The following CDKL5 variants were observed in gnomAD, a reference collection of about 807,000 sequenced individuals.
The protein encoded by CDKL5 is cyclin dependent kinase like 5, also known as cyclin-dependent kinase-like 5.
CDKL5 carries 8 observed loss-of-function variants against 61.7 expected under a neutral mutation model. The ratio of observed to expected loss-of-function variants is 0.13; its 90% CI spans 0.08 to 0.23. CDKL5 has a LOEUF of 0.23. Among genes scored for constraint, CDKL5 ranks in the 10% least tolerant of loss-of-function variants. The probability of loss-of-function intolerance (pLI) is 1.00; values close to 1 mark genes in which losing one functional copy is unlikely to be tolerated. For synonymous variants in CDKL5, 275 were observed against 272.3 expected (o/e 1.01, Z -0.10); for missense variants, 440 against 734.5 (o/e 0.60, Z 4.63).
In CDKL5 at chrX:18,632,056, C is replaced by T; in HGVS notation, c.*3299C>T. ...TGCACAGGACAGCCCCCCAAACAAA[C>T]AGTGGTCCAGCCCCAAGCACTACTA... On this transcript the variant is annotated 3_prime_UTR_variant, in exon 18 of 18. Transcript: ENST00000623535. 1.5e-6 allele frequency: 1 copy of T among 684,442 alleles called. No homozygotes were observed. The highest frequency in any genetic ancestry group is 1.7e-6 in the Non-Finnish European group (1 of 575,535). 56.4% of individuals were successfully genotyped at this position (684,442 alleles called of 1,213,427 possible).
In CDKL5 at chrX:18,631,937, G is replaced by A. The variant is rs1284700767; in HGVS notation, c.*3180G>A. 1 of 689,440 alleles carries A rather than the reference G, an allele frequency of 1.5e-6. No homozygotes were observed. The highest frequency in any genetic ancestry group is 1.7e-6 in the Non-Finnish European group (1 of 581,497). The allele number at this position is 689,440 out of a possible 1,213,427, so 56.8% of individuals were successfully genotyped here. A position where few individuals can be genotyped will look rare whatever the true frequency, so the allele number is the denominator to read the frequency against. On this transcript the variant is annotated 3_prime_UTR_variant, in exon 18 of 18. Transcript: ENST00000623535. ...CCCAAGGGTACATTTGGCAATGTCTGGGGACATTTGGTTGTCATAGCTGGG... is the reference window on the plus strand; with the variant it reads ...CCCAAGGGTACATTTGGCAATGTCTAGGGACATTTGGTTGTCATAGCTGGG...
At chrX:18,599,168 C>T (rs1926103183) in intron 11 of CDKL5, among the ~76,000 whole-genome samples, 1 of 112,365 alleles carries the variant, frequency 8.9e-6, no homozygotes, top group Non-Finnish European at 1.9e-5. Context: ...AAAATTGTTG[C>T]TCTTTAAATA....
intron 3 of CDKL5, among the ~76,000 whole-genome samples, chrX:18,522,381 G>T (rs1250617870): frequency 2.5e-5 from 2 of 79,067 alleles, no homozygotes; most frequent in Admixed American, 3.6e-4. Flanking sequence ...CTTTCGGTGT[G>T]TTGCCCGGGC....
At chrX:18,469,540 C>T (rs182035800) in intron 1 of CDKL5, among the ~76,000 whole-genome samples, 3 of 103,152 alleles carry the variant, frequency 2.9e-5, no homozygotes, top group Admixed American at 1.1e-4. Flanking sequence ...TTCAGCTACT[C>T]GGGAGGCTGA....
At chrX:18,466,519 T>C (rs2147651019) in intron 1 of CDKL5, among the ~76,000 whole-genome samples, 2 of 111,491 alleles carry the variant, frequency 1.8e-5, no homozygotes, top group South Asian at 7.5e-4. Context: ...TGCTCATTTT[T>C]CTTTTCCTTT....
intron 1 of CDKL5, among the ~76,000 whole-genome samples, chrX:18,466,253 G>A (rs145878257): frequency 0.023 from 2,539 of 111,700 alleles, 68 homozygotes; most frequent in East Asian, 0.18. Context: ...TCTCATTTCT[G>A]AATTATCTTT....
intron 1 of CDKL5, among the ~76,000 whole-genome samples, chrX:18,501,749 ATAT>A (rs1160375288): frequency 9.2e-6 from 1 of 108,891 alleles, no homozygotes; most frequent in Admixed American, 9.8e-5. Flanking sequence ...GGGTTTCATC[ATAT>A]TGGTCATGCT....
intron 1 of CDKL5, among the ~76,000 whole-genome samples, chrX:18,440,514 C>T (rs1483207999): frequency 3.6e-5 from 4 of 111,385 alleles, no homozygotes; most frequent in Non-Finnish European, 3.8e-5. Context: ...GCTCTTGTTG[C>T]CCAGACTGTA....
intron 2 of CDKL5, among the ~76,000 whole-genome samples, chrX:18,509,694 A>G (rs1467384813): frequency 2.7e-5 from 3 of 111,879 alleles, no homozygotes; most frequent in African/African-American, 9.7e-5. Flanking sequence ...TGCCTAGATA[A>G]TAGGATAAGT....
intron 11 of CDKL5, among the ~76,000 whole-genome samples, chrX:18,600,049 C>T (rs906689569): frequency 8.9e-6 from 1 of 111,888 alleles, no homozygotes; most frequent in African/African-American, 3.3e-5. Context: ...TCGCCTGCCT[C>T]AGCCTTCCTA....
intron 1 of CDKL5, among the ~76,000 whole-genome samples, chrX:18,458,540 T>TC (rs1331157403): frequency 1.8e-4 from 20 of 109,259 alleles, no homozygotes; most frequent in Admixed American, 4.9e-4. Context: ...CTACAAAAAA[T>TC]CCCCCCCCAC....
intron 9 of CDKL5, among the ~76,000 whole-genome samples, chrX:18,592,293 G>A (rs987759142): frequency 8.9e-5 from 10 of 112,473 alleles, no homozygotes; most frequent in East Asian, 2.8e-4. Context: ...CTCATTGTAC[G>A]GTTTTCTAAT....
intron 1 of CDKL5, among the ~76,000 whole-genome samples, chrX:18,455,073 T>C (rs1294922905): frequency 1.8e-5 from 2 of 110,611 alleles, no homozygotes; most frequent in Non-Finnish European, 3.8e-5. Context: ...CTTTCTCAGT[T>C]GACTGAAGTT....
chrX:18,516,070 C>T (rs1036376923), intron 3 of CDKL5, among the ~76,000 whole-genome samples: 5 of 110,191 alleles, frequency 4.5e-5, no homozygotes, highest in Non-Finnish European at 9.5e-5. Context: ...TCACTGCAAC[C>T]TCCGCTTCCC....
intron 3 of CDKL5, among the ~76,000 whole-genome samples, chrX:18,560,396 T>C (rs1420499059): frequency 1.8e-5 from 2 of 112,313 alleles, no homozygotes; most frequent in East Asian, 2.8e-4. Context: ...CAGGAAGATA[T>C]GACCTCTACA....
Position 18,633,061 on chromosome X carries a change from T to C in CDKL5, c.*4304T>C, listed in dbSNP as rs1454041135. The C allele has an allele frequency of 1.3e-6, 1 of 754,481 alleles. No individual in the cohort carries two copies. The highest frequency in any genetic ancestry group is 6.7e-5 in the South Asian group (1 of 14,861). The allele number at this position is 754,481 out of a possible 1,213,427, so 62.2% of individuals were successfully genotyped here. A position where few individuals can be genotyped will look rare whatever the true frequency, so the allele number is the denominator to read the frequency against. ...GCAATGGCTCAATGTGATTCGGTGC[T>C]GGAGCTCAGCTGGGACTCAGTAAAT... On this transcript the variant is annotated 3_prime_UTR_variant, in exon 18 of 18. Transcript: ENST00000623535.
At chrX:18,550,386 G>T (rs1027095213) in intron 3 of CDKL5, among the ~76,000 whole-genome samples, 7 of 111,590 alleles carry the variant, frequency 6.3e-5, no homozygotes, top group African/African-American at 2.3e-4. Flanking sequence ...GGGAGAAAAT[G>T]GAAAAACTTA....
At chrX:18,467,837 A>G (rs1920975880) in intron 1 of CDKL5, among the ~76,000 whole-genome samples, 2 of 112,020 alleles carry the variant, frequency 1.8e-5, no homozygotes, top group African/African-American at 6.5e-5. Flanking sequence ...TGTAATTGTA[A>G]TTAGTGTTGT....
At chrX:18,503,403 C>T (rs1399003936) in intron 1 of CDKL5, among the ~76,000 whole-genome samples, 1 of 111,818 alleles carries the variant, frequency 8.9e-6, no homozygotes, top group Non-Finnish European at 1.9e-5. Flanking sequence ...AGTCTGGTCT[C>T]GAACTCGTGA....
Sources: gnomAD v4.1 joint callset for allele counts (sites outside exome capture counted in the v4.1 genomes callset) on GRCh38, gnomAD v4.1.1 for gene constraint, MANE v1.5 for transcripts, NCBI Gene and HGNC (gene_info 2026-07-23, HGNC 2026-07-21) for gene names.